The following TACC1 variants were observed in gnomAD, a reference collection of about 807,000 sequenced individuals.
TACC1 encodes transforming acidic coiled-coil-containing protein 1.
Under a neutral mutation model 84.4 loss-of-function variants are expected in TACC1, and 48 were observed. The ratio of observed to expected loss-of-function variants is 0.57; its 90% CI spans 0.45 to 0.72. The LOEUF (loss-of-function observed/expected upper bound fraction) is 0.72, where lower values mean the gene tolerates loss of function less well. Among genes scored for constraint, TACC1 ranks in the 30% least tolerant of loss-of-function variants. TACC1 has a pLI of 0.00. For synonymous variants in TACC1, 372 were observed against 376.3 expected (o/e 0.99, Z 0.13); for missense variants, 920 against 973.0 (o/e 0.95, Z 0.72).
intron 3 of TACC1, among the ~76,000 whole-genome samples, chr8:38,760,151 C>T (rs1354917929): frequency 6.6e-6 from 1 of 152,144 alleles, no homozygotes; most frequent in Non-Finnish European, 1.5e-5. Flanking sequence ...ATAATCTAAT[C>T]AGGTACTAAA....
intron 3 of TACC1, among the ~76,000 whole-genome samples, chr8:38,770,042 G>GGT (rs1813262160): frequency 1.3e-5 from 2 of 151,622 alleles, no homozygotes; most frequent in African/African-American, 4.9e-5. Context: ...GCATGCGTGT[G>GGT]GTGTGTGTGT....
intron 1 of TACC1, among the ~76,000 whole-genome samples, chr8:38,731,737 AAAC>A (rs56770897): frequency 0.011 from 1,412 of 133,138 alleles, 18 homozygotes; most frequent in African/African-American, 0.034. Context: ...ATAAAACTGA[AAAC>A]AACAACAACA....
chr8:38,811,122 A>G (rs1033245324), intron 2 of TACC1, among the ~76,000 whole-genome samples: 3 of 152,134 alleles, frequency 2.0e-5, no homozygotes, highest in Non-Finnish European at 1.5e-5. Flanking sequence ...TGTCTCTAAA[A>G]TAAATAAAGT....
Position 38,836,367 on chromosome 8 carries a change from G to T in TACC1, c.1839+80G>T, listed in dbSNP as rs574466780. 5.4e-5 allele frequency: 84 copies of T among 1,555,434 alleles called. No individual in the cohort carries two copies. In the Admixed American group the frequency reaches 1.4e-3, roughly 26 times the overall value. On this transcript the variant is annotated intron_variant, in intron 7 of 12. Coordinates refer to ENST00000317827, the MANE Select transcript of TACC1 (RefSeq NM_006283.3). ...GTACCAGCAGGTAGATTGCATCTCT[G>T]CTGGCTCAAGTTATCACAGGCTGGA...
At chr8:38,843,159 T>C in intron 10 of TACC1, 130 bp from the exon 11 acceptor site, 1 of 576,718 alleles carries the variant, frequency 1.7e-6, no homozygotes, top group Admixed American at 3.0e-5. Flanking sequence ...TTCAAATTAC[T>C]GCAGAGTATG....
chr8:38,751,671 C>T (rs1352756823), intron 3 of TACC1, among the ~76,000 whole-genome samples: 3 of 152,020 alleles, frequency 2.0e-5, no homozygotes, highest in African/African-American at 7.2e-5. Flanking sequence ...ATTTTTTGGA[C>T]ATAATGCTAT....
At chr8:38,844,152 A>T (rs1292367469) in intron 11 of TACC1, among the ~76,000 whole-genome samples, 1 of 151,978 alleles carries the variant, frequency 6.6e-6, no homozygotes, top group Non-Finnish European at 1.5e-5. Flanking sequence ...CAAGCAACAG[A>T]GCATTTATTT....
intron 3 of TACC1, among the ~76,000 whole-genome samples, chr8:38,781,608 T>C (rs1446946652): frequency 2.0e-5 from 3 of 152,188 alleles, no homozygotes; most frequent in African/African-American, 7.2e-5. Context: ...CTCGAACTCC[T>C]GACCTCAGGT....
intron 2 of TACC1, among the ~76,000 whole-genome samples, chr8:38,815,576 T>C (rs1286536723): frequency 6.6e-6 from 1 of 152,062 alleles, no homozygotes; most frequent in Non-Finnish European, 1.5e-5. Flanking sequence ...TGCGCCACCA[T>C]GCCCAGCTAA....
intron 1 of TACC1, among the ~76,000 whole-genome samples, chr8:38,741,014 A>T (rs1319798020): frequency 6.6e-6 from 1 of 152,120 alleles, no homozygotes; most frequent in Non-Finnish European, 1.5e-5. Context: ...CTTGACTTCT[A>T]AGCCAAAAGA....
At chr8:38,750,102 G>C (rs1808766319) in intron 3 of TACC1, among the ~76,000 whole-genome samples, 1 of 152,116 alleles carries the variant, frequency 6.6e-6, no homozygotes, top group African/African-American at 2.4e-5. Flanking sequence ...GAGACCAGGA[G>C]TTCAAGGCTA....
At chr8:38,801,079 C>A (rs1821246708) in intron 2 of TACC1, among the ~76,000 whole-genome samples, 1 of 152,110 alleles carries the variant, frequency 6.6e-6, no homozygotes, top group Non-Finnish European at 1.5e-5. Context: ...CAGATTCTTT[C>A]CCCACTTTTT....
chr8:38,802,996 A>T (rs1265257767), intron 2 of TACC1, among the ~76,000 whole-genome samples: 1 of 152,102 alleles, frequency 6.6e-6, no homozygotes, highest in Non-Finnish European at 1.5e-5. Flanking sequence ...TCAACATCTT[A>T]TATTTCTTTT....
intron 5 of TACC1, 110 bp from the exon 6 acceptor site, chr8:38,831,015 C>G: frequency 1.1e-6 from 1 of 881,532 alleles, no homozygotes; most frequent in South Asian, 1.5e-5. Flanking sequence ...AAATGCTTTT[C>G]ATGTGTTCAT....
intron 9 of TACC1, 79 bp from the exon 10 acceptor site, chr8:38,842,205 TACC>T (rs920057865): frequency 6.6e-7 from 1 of 1,507,072 alleles, no homozygotes; most frequent in African/African-American, 1.4e-5. Flanking sequence ...GCTGTGTCCC[TACC>T]ACGAGAACAC....
At chr8:38,825,526 A>C (rs775672569) in intron 4 of TACC1, among the ~76,000 whole-genome samples, 158 bp downstream of exon 4, 12 of 151,670 alleles carry the variant, frequency 7.9e-5, no homozygotes, top group Non-Finnish European at 1.3e-4. Context: ...CCCTGAAGAG[A>C]AGGCCCCTGA....
intron 3 of TACC1, among the ~76,000 whole-genome samples, chr8:38,771,775 G>A (rs1324187250): frequency 2.6e-5 from 4 of 152,054 alleles, no homozygotes; most frequent in Admixed American, 6.6e-5. Flanking sequence ...TTGCTCTGTT[G>A]CATGGGCTGT....
intron 3 of TACC1, among the ~76,000 whole-genome samples, chr8:38,760,334 G>A (rs1554498423): frequency 1.3e-5 from 2 of 152,192 alleles, no homozygotes. Context: ...GTAAAAGCTA[G>A]TGGAAATTTC....
intron 6 of TACC1, 127 bp from the exon 7 acceptor site, chr8:38,836,035 C>A: frequency 7.6e-7 from 1 of 1,307,272 alleles, no homozygotes; most frequent in Non-Finnish European, 1.0e-6. Flanking sequence ...AAGCTTCCCC[C>A]CGCTGACTTT....
Sources: gnomAD v4.1 joint callset for allele counts (sites outside exome capture counted in the v4.1 genomes callset) on GRCh38, gnomAD v4.1.1 for gene constraint, MANE v1.5 for transcripts, NCBI Gene and HGNC (gene_info 2026-07-23, HGNC 2026-07-21) for gene names.